SLC20A2: variants seen among roughly 807,000 people sequenced by gnomAD.
The protein encoded by SLC20A2 is solute carrier family 20 member 2, also known as sodium-dependent phosphate transporter 2.
A neutral mutation model predicts 61.0 loss-of-function variants in SLC20A2; 30 were observed. That is an observed-to-expected ratio of 0.49 (90% CI 0.37 to 0.67). SLC20A2 has a LOEUF of 0.67. Ranked by LOEUF, SLC20A2 falls within the 30% of genes least tolerant of loss-of-function variation. SLC20A2 has a pLI of 0.00. For missense variants in SLC20A2, 626 were observed against 866.4 expected (o/e 0.72, Z 3.48); for synonymous variants, 351 against 353.3 (o/e 0.99, Z 0.07).
intron 1 of SLC20A2, among the ~76,000 whole-genome samples, chr8:42,538,473 A>G (rs958888847): frequency 5.3e-5 from 8 of 152,184 alleles, no homozygotes; most frequent in African/African-American, 1.9e-4. Flanking sequence ...TGTGGGCTGC[A>G]GATTGCAGAG....
intron 10 of SLC20A2, among the ~76,000 whole-genome samples, chr8:42,426,988 A>C (rs977506851): frequency 6.6e-6 from 1 of 152,202 alleles, no homozygotes; most frequent in African/African-American, 2.4e-5. Context: ...ATAGTCTTGT[A>C]TTGTTTGAAA....
chr8:42,526,423 C>G (rs1425969097), intron 1 of SLC20A2, among the ~76,000 whole-genome samples: 1 of 151,828 alleles, frequency 6.6e-6, no homozygotes, highest in African/African-American at 2.4e-5. Context: ...CCTGTAATCC[C>G]AGGACTTTGG....
chr8:42,478,814 T>G (rs780910627), intron 1 of SLC20A2, among the ~76,000 whole-genome samples: 2 of 152,066 alleles, frequency 1.3e-5, no homozygotes, highest in Non-Finnish European at 2.9e-5. Context: ...CTTATCTATA[T>G]TGCAAGCATT....
intron 8 of SLC20A2, among the ~76,000 whole-genome samples, chr8:42,430,897 T>C (rs1803821388): frequency 1.3e-5 from 2 of 152,240 alleles, no homozygotes; most frequent in South Asian, 4.1e-4. Context: ...TGTTCCCATA[T>C]GAGACGGTGA....
intron 2 of SLC20A2, among the ~76,000 whole-genome samples, chr8:42,470,721 C>A (rs1378887702): frequency 6.6e-6 from 1 of 152,036 alleles, no homozygotes; most frequent in African/African-American, 2.4e-5. Flanking sequence ...CGCCTGTAAT[C>A]CCAGCACTTT....
intron 1 of SLC20A2, among the ~76,000 whole-genome samples, chr8:42,489,232 C>T (rs1434773816): frequency 6.6e-6 from 1 of 152,150 alleles, no homozygotes; most frequent in Non-Finnish European, 1.5e-5. Flanking sequence ...AGCCACCGCG[C>T]TTGGCCAGGT....
intron 1 of SLC20A2, among the ~76,000 whole-genome samples, chr8:42,496,424 C>T (rs1256629867): frequency 1.3e-5 from 2 of 152,082 alleles, no homozygotes; most frequent in African/African-American, 2.4e-5. Flanking sequence ...ATTTCTATTA[C>T]GTGCAAATAA....
chr8:42,504,877 A>AAT (rs1810559587), upstream of SLC20A2, among the ~76,000 whole-genome samples: 1 of 146,088 alleles, frequency 6.8e-6, no homozygotes, highest in Non-Finnish European at 1.5e-5. Flanking sequence ...AAAAAAAAAA[A>AAT]AAAAAAAAAG....
chr8:42,511,780 T>C (rs1444641263), intron 1 of SLC20A2, among the ~76,000 whole-genome samples: 1 of 152,076 alleles, frequency 6.6e-6, no homozygotes, highest in African/African-American at 2.4e-5. Context: ...ACGTACATGA[T>C]TGTATCCTTA....
At chr8:42,538,509 C>G (rs915812261) in intron 1 of SLC20A2, among the ~76,000 whole-genome samples, 1 of 150,858 alleles carries the variant, frequency 6.6e-6, no homozygotes, top group African/African-American at 2.4e-5. Flanking sequence ...TGGCCCTGCA[C>G]CTAAAAGCAG....
intron 1 of SLC20A2, among the ~76,000 whole-genome samples, chr8:42,522,498 TG>T (rs1467781154): frequency 8.4e-6 from 1 of 119,604 alleles, no homozygotes; most frequent in Non-Finnish European, 2.0e-5. Flanking sequence ...CTGGCCAACA[TG>T]GTGAAACCCT....
chr8:42,435,183 G>A (rs1804156410), intron 8 of SLC20A2, among the ~76,000 whole-genome samples: 1 of 152,144 alleles, frequency 6.6e-6, no homozygotes, highest in Non-Finnish European at 1.5e-5. Context: ...AAATACCACA[G>A]AAATGCCCAT....
chr8:42,470,740 A>G (rs1190200432), intron 2 of SLC20A2, among the ~76,000 whole-genome samples: 3 of 151,798 alleles, frequency 2.0e-5, no homozygotes, highest in Admixed American at 1.3e-4. Flanking sequence ...TTGAGAGGTG[A>G]TGGTGGGTGG....
chr8:42,509,275 T>C (rs1440887104), intron 1 of SLC20A2, among the ~76,000 whole-genome samples: 1 of 152,210 alleles, frequency 6.6e-6, no homozygotes. Context: ...TCCTCCTCCA[T>C]TGTCTGGAGT....
In SLC20A2 at chr8:42,417,733, G is replaced by A. The variant is rs371247567; in HGVS notation, c.*70C>T. Reference sequence around the variant, plus strand: ...CGGCCAGGATGTGTATGTGCGGCACGAGCACACATGTCTCCCACACGCCAA... The same window carrying A: ...CGGCCAGGATGTGTATGTGCGGCACAAGCACACATGTCTCCCACACGCCAA... On this transcript the variant is annotated 3_prime_UTR_variant, in exon 11 of 11. Transcript: ENST00000520262. The A allele has an allele frequency of 7.8e-5, 120 of 1,531,414 alleles. No individual in the cohort carries two copies. Among genetic ancestry groups the A allele is most frequent in the Middle Eastern group, 3.4e-4 (2 of 5,868 alleles). 94.9% of individuals were successfully genotyped at this position (1,531,414 alleles called of 1,614,324 possible). A position where few individuals can be genotyped will look rare whatever the true frequency, so the allele number is the denominator to read the frequency against.
At chr8:42,536,477 G>C (rs1274671807) in intron 1 of SLC20A2, 1 of 152,152 alleles carries the variant, frequency 6.6e-6, no homozygotes, top group Non-Finnish European at 1.5e-5. Context: ...CCTATCTGTG[G>C]AGCCATTTAG....
intron 1 of SLC20A2, among the ~76,000 whole-genome samples, chr8:42,520,426 T>A (rs1811579239): frequency 6.6e-5 from 4 of 60,184 alleles, no homozygotes; most frequent in African/African-American, 1.3e-4. Flanking sequence ...AATTGATATT[T>A]TAAAAGCCCG....
intron 5 of SLC20A2, among the ~76,000 whole-genome samples, chr8:42,456,559 C>T (rs1023417446): frequency 3.9e-5 from 6 of 151,942 alleles, no homozygotes; most frequent in Non-Finnish European, 7.4e-5. Flanking sequence ...AGCAAAACCC[C>T]GTCTCTACTA....
At chr8:42,520,552 C>G (rs1811583677) in intron 1 of SLC20A2, among the ~76,000 whole-genome samples, 1 of 113,528 alleles carries the variant, frequency 8.8e-6, no homozygotes, top group African/African-American at 2.6e-5. Context: ...CAGTGAAACC[C>G]CATCTCCACT....
Sources: gnomAD v4.1 joint callset for allele counts (sites outside exome capture counted in the v4.1 genomes callset) on GRCh38, gnomAD v4.1.1 for gene constraint, MANE v1.5 for transcripts, NCBI Gene and HGNC (gene_info 2026-07-23, HGNC 2026-07-21) for gene names.